ADAM22: variants seen among roughly 807,000 people sequenced by gnomAD.
ADAM22 encodes the protein ADAM metallopeptidase domain 22, also known as disintegrin and metalloproteinase domain-containing protein 22.
Under a neutral mutation model 144.6 loss-of-function variants are expected in ADAM22, and 65 were observed. The observed-to-expected ratio is 0.45, with a 90% CI of 0.37 to 0.55. The LOEUF is 0.55. Among genes scored for constraint, ADAM22 ranks in the 20% least tolerant of loss-of-function variants. The pLI is 0.00. For synonymous variants in ADAM22, 391 were observed against 412.6 expected (o/e 0.95, Z 0.63); for missense variants, 974 against 1,184.9 (o/e 0.82, Z 2.61).
chr7:88,064,847 CACCTACTT>C (rs1810813128), intron 3 of ADAM22, among the ~76,000 whole-genome samples: 1 of 152,092 alleles, frequency 6.6e-6, no homozygotes, highest in South Asian at 2.1e-4. Flanking sequence ...CAAACCACAG[CACCTACTT>C]AGCATGTTGT....
At chr7:88,008,748 T>G (rs1287367384) in intron 3 of ADAM22, among the ~76,000 whole-genome samples, 3 of 151,266 alleles carry the variant, frequency 2.0e-5, no homozygotes, top group Non-Finnish European at 4.4e-5. Flanking sequence ...TGGGGACTGT[T>G]GTGGGGTGGG....
Position 87,934,352 on chromosome 7 carries a change from G to C in ADAM22, c.-114G>C. Reference sequence around the variant, plus strand: ...CCACGGCCGCCGCAGCACCGGCCGGGGCTGGGTGGAGGTGGCCGCGGGGAC... The same window carrying C: ...CCACGGCCGCCGCAGCACCGGCCGGCGCTGGGTGGAGGTGGCCGCGGGGAC... On this transcript the variant is annotated 5_prime_UTR_variant, in exon 1 of 32. Coordinates refer to ENST00000413139, the MANE Select transcript of ADAM22 (RefSeq NM_001324418.2). 1 of 961,378 alleles carries C rather than the reference G, an allele frequency of 1.0e-6. No individual in the cohort carries two copies. The highest frequency in any genetic ancestry group is 1.5e-6 in the Non-Finnish European group (1 of 659,858). The allele number at this position is 961,378 out of a possible 1,614,324, so 59.6% of individuals were successfully genotyped here.
chr7:88,022,616 G>C (rs1798084496), intron 3 of ADAM22, among the ~76,000 whole-genome samples: 1 of 151,990 alleles, frequency 6.6e-6, no homozygotes, highest in African/African-American at 2.4e-5. Flanking sequence ...GATCTGTTTT[G>C]GTGTATGAAA....
At chr7:88,118,409 T>C (rs1157730021) in intron 7 of ADAM22, among the ~76,000 whole-genome samples, 1 of 152,168 alleles carries the variant, frequency 6.6e-6, no homozygotes, top group Admixed American at 6.5e-5. Flanking sequence ...AATGGGAATA[T>C]AGATGCTCTT....
At chr7:88,189,632 CTT>C (rs1431934965) in intron 30 of ADAM22, among the ~76,000 whole-genome samples, 1 of 152,140 alleles carries the variant, frequency 6.6e-6, no homozygotes, top group African/African-American at 2.4e-5. Flanking sequence ...TGAATCCTCT[CTT>C]AGTACACTTA....
chr7:87,989,528 C>T (rs1789275782), intron 3 of ADAM22, among the ~76,000 whole-genome samples: 1 of 152,196 alleles, frequency 6.6e-6, no homozygotes, highest in African/African-American at 2.4e-5. Context: ...AGTATTCATA[C>T]TCATGCTATA....
At chr7:88,183,145 G>A (rs1847494359) in intron 29 of ADAM22, among the ~76,000 whole-genome samples, 1 of 152,104 alleles carries the variant, frequency 6.6e-6, no homozygotes, top group African/African-American at 2.4e-5. Flanking sequence ...CCATTGCATG[G>A]TCCAGAATGG....
chr7:88,043,314 T>C (rs1803635752), intron 3 of ADAM22, among the ~76,000 whole-genome samples: 1 of 151,732 alleles, frequency 6.6e-6, no homozygotes, highest in Non-Finnish European at 1.5e-5. Context: ...TGAAACCCCG[T>C]CTCTACTAAA....
chr7:87,969,049 G>A (rs1247982198), intron 2 of ADAM22, among the ~76,000 whole-genome samples: 1 of 152,124 alleles, frequency 6.6e-6, no homozygotes, highest in Non-Finnish European at 1.5e-5. Flanking sequence ...CCTCCATGAT[G>A]TAGTCACTGT....
chr7:88,039,464 A>AAAAAAAAAAAAAAAATATATATAT, intron 3 of ADAM22, among the ~76,000 whole-genome samples: 14 of 76,392 alleles, frequency 1.8e-4, no homozygotes, highest in East Asian at 1.6e-3. Flanking sequence ...AAAAAAAAAA[A>AAAAAAAAAAAAAAAATATATATAT]ATATATATAT....
chr7:87,943,847 TCTC>T (rs1421474955), intron 2 of ADAM22, among the ~76,000 whole-genome samples: 5 of 152,234 alleles, frequency 3.3e-5, no homozygotes, highest in Non-Finnish European at 7.3e-5. Context: ...ACATTTTTCT[TCTC>T]CTTTTTAAAA....
chr7:88,148,090 T>C (rs1837097125), intron 17 of ADAM22, among the ~76,000 whole-genome samples: 1 of 152,174 alleles, frequency 6.6e-6, no homozygotes, highest in Non-Finnish European at 1.5e-5. Flanking sequence ...GGGCAGTGCA[T>C]GTTCTAGGAA....
At chr7:87,967,904 A>G (rs1053450286) in intron 2 of ADAM22, among the ~76,000 whole-genome samples, 1 of 151,320 alleles carries the variant, frequency 6.6e-6, no homozygotes. Flanking sequence ...ATTTAGCTGG[A>G]AAGACTATCT....
intron 30 of ADAM22, among the ~76,000 whole-genome samples, chr7:88,188,618 G>A (rs576946189): frequency 2.0e-4 from 30 of 152,196 alleles, no homozygotes; most frequent in Non-Finnish European, 4.3e-4. Context: ...ATTCAATACA[G>A]AATTTCTGTG....
intron 1 of ADAM22, 60 bp downstream of exon 1, chr7:87,934,610 C>G (rs928443899): frequency 5.3e-6 from 8 of 1,503,714 alleles, no homozygotes; most frequent in Non-Finnish European, 7.2e-6. Context: ...CTTTGGAGCC[C>G]TCAGGCGTAT....
rs186652691 is a variant in ADAM22 at position 87,983,296 on chromosome 7, A to G, written c.323+4884A>G. ...TTACAGTGCTGAGTCTTCCCATCCA[A>G]CATCACAGTGTATTTTTTAAAATGT... On this transcript the variant is annotated intron_variant, in intron 3 of 31. Coordinates refer to ENST00000413139, the MANE Select transcript of ADAM22 (RefSeq NM_001324418.2). Among the ~76,000 whole-genome samples the G allele has an allele frequency of 1.5e-4, 23 of 152,212 alleles. 1 individual carries two copies. The East Asian group carries it at 4.1e-3, about 27-fold the overall frequency.
At position 88,029,430 on chromosome 7, in the gene ADAM22, T is replaced by C. The variant is rs190852593; in HGVS notation, c.324-46196T>C. On this transcript the variant is annotated intron_variant, in intron 3 of 31. Transcript: ENST00000413139. ...TCTACTTTTTATTGTACTGTCTGTA[T>C]CTTGAAAAGTTATTGTAATTATTAC... is the stretch of plus-strand genomic sequence containing the variant. Among the ~76,000 whole-genome samples, 12 of 152,312 alleles carry C rather than the reference T, an allele frequency of 7.9e-5. No individual in the cohort carries two copies. In the East Asian group the frequency reaches 1.7e-3, roughly 22 times the overall value.
intron 3 of ADAM22, among the ~76,000 whole-genome samples, chr7:87,990,448 T>C (rs780138760): frequency 6.6e-6 from 1 of 152,202 alleles, no homozygotes; most frequent in East Asian, 1.9e-4. Context: ...TGAACATTTT[T>C]AAATAATTAT....
intron 3 of ADAM22, among the ~76,000 whole-genome samples, chr7:88,053,386 T>G (rs1024723607): frequency 1.3e-5 from 2 of 151,864 alleles, no homozygotes; most frequent in Admixed American, 1.3e-4. Context: ...GGAGGGTCAC[T>G]TGAGCCTGGG....
Sources: allele counts gnomAD v4.1 joint callset (sites outside exome capture counted in the v4.1 genomes callset), GRCh38; gene constraint gnomAD v4.1.1; transcripts MANE v1.5; gene names NCBI Gene and HGNC (gene_info 2026-07-23, HGNC 2026-07-21).